Variants in ARHGAP35 observed in about 807,000 individuals in gnomAD.
ARHGAP35 encodes Rho GTPase activating protein 35.
In ARHGAP35, 15 loss-of-function variants were observed where a neutral mutation model predicts 111.1. The observed-to-expected ratio is 0.13, with a 90% CI of 0.09 to 0.21. ARHGAP35 has a LOEUF of 0.21. ARHGAP35 is among the 10% of genes least tolerant of loss of function. The pLI is 1.00. For synonymous variants in ARHGAP35, 643 were observed against 710.3 expected (o/e 0.91, Z 1.51); for missense variants, 1,262 against 1,873.0 (o/e 0.67, Z 6.02).
chr19:46,898,298 A>G (rs574701860), intron 1 of ARHGAP35, among the ~76,000 whole-genome samples: 1 of 152,216 alleles, frequency 6.6e-6, no homozygotes, highest in Non-Finnish European at 1.5e-5. Flanking sequence ...GAGGAAACAT[A>G]AAGGAAGGAT....
intron 1 of ARHGAP35, among the ~76,000 whole-genome samples, chr19:46,877,909 T>C (rs1599794852): frequency 2.0e-5 from 3 of 152,200 alleles, no homozygotes; most frequent in African/African-American, 7.2e-5. Flanking sequence ...GGTTTCATCA[T>C]GTTGGCCAAG....
intron 1 of ARHGAP35, among the ~76,000 whole-genome samples, chr19:46,888,293 T>A (rs1228381115): frequency 1.6e-5 from 1 of 62,720 alleles, no homozygotes; most frequent in African/African-American, 7.7e-5. Context: ...TATATATATA[T>A]ATATATATAT....
chr19:46,919,024 A>G lies in ARHGAP35; in HGVS notation c.349A>G (p.Ile117Val), dbSNP rs759276992. The change falls in exon 2 of 7, where the codon ATC (isoleucine) becomes GTC (valine). Residue 117 changes from isoleucine to valine, a missense_variant. Transcript: ENST00000672722. This position sits in a 1 kb window ranked among gnomAD's most constrained non-coding sequence, Gnocchi z 6.2. ...PHRSTALQPY[I>V]KRAAATKLAS... ...TCGAAGCACGGCCCTGCAGCCCTAT[A>G]TCAAGAGAGCTGCTGCGACCAAGCT... The G allele has an allele frequency of 2.4e-5, 39 of 1,613,814 alleles. No individual in the cohort carries two copies. Among genetic ancestry groups the G allele is most frequent in the Non-Finnish European group, 3.3e-5 (39 of 1,179,858 alleles).
intron 3 of ARHGAP35, among the ~76,000 whole-genome samples, chr19:46,968,138 C>T (rs2056525670): frequency 6.6e-6 from 1 of 152,168 alleles, no homozygotes; most frequent in Non-Finnish European, 1.5e-5. Flanking sequence ...AGAGACCTCT[C>T]CCCTCAAAAG....
At chr19:46,968,022 A>C (rs1010424864) in intron 3 of ARHGAP35, among the ~76,000 whole-genome samples, 4 of 152,144 alleles carry the variant, frequency 2.6e-5, no homozygotes, top group Non-Finnish European at 4.4e-5. Context: ...ATGGATCCTA[A>C]GTTCCTTGAG....
At chr19:46,910,584 A>C (rs1568465046) in intron 1 of ARHGAP35, among the ~76,000 whole-genome samples, 1 of 145,758 alleles carries the variant, frequency 6.9e-6, no homozygotes, top group Admixed American at 6.9e-5. Context: ...GAGCCACCAC[A>C]CCTGGCCAAT....
chr19:46,894,519 C>T, intron 1 of ARHGAP35, among the ~76,000 whole-genome samples: 1 of 146,980 alleles, frequency 6.8e-6, no homozygotes, highest in East Asian at 2.1e-4. Flanking sequence ...GATCTCTGCT[C>T]ACTGTAACCT....
intron 3 of ARHGAP35, among the ~76,000 whole-genome samples, chr19:46,963,467 C>G (rs1322605527): frequency 6.6e-6 from 1 of 152,180 alleles, no homozygotes; most frequent in Non-Finnish European, 1.5e-5. Context: ...GCCTTCACTC[C>G]TCCACACTGG....
chr19:46,919,807 A>G lies in ARHGAP35; in HGVS notation c.1132A>G (p.Lys378Glu), dbSNP rs745829138. The G allele has an allele frequency of 1.2e-6, 2 of 1,614,064 alleles. No homozygotes were observed. Among genetic ancestry groups the G allele is most frequent in the Non-Finnish European group, 1.7e-6 (2 of 1,179,902 alleles). ...KLLETKPEFL[K>E]WFVVLEETPW... Reference sequence around the variant, plus strand: ...CTTAGAAACCAAGCCAGAATTCTTGAAGTGGTTTGTTGTGCTTGAAGAGAC... The same window carrying G: ...CTTAGAAACCAAGCCAGAATTCTTGGAGTGGTTTGTTGTGCTTGAAGAGAC... Residue 378 changes from lysine to glutamate, a missense_variant, in exon 2 of 7, where the codon AAG becomes GAG. Lys to Glu is a moderately conservative substitution (Grantham distance 56). Transcript: ENST00000672722. This position sits in a 1 kb window ranked among gnomAD's most constrained non-coding sequence, Gnocchi z 6.2.
intron 1 of ARHGAP35, among the ~76,000 whole-genome samples, chr19:46,888,200 C>T (rs1282308035): frequency 2.1e-5 from 3 of 141,604 alleles, no homozygotes; most frequent in African/African-American, 5.2e-5. Flanking sequence ...GATCCGCCCA[C>T]CTCGGCCTCC....
chr19:46,976,985 A>G (rs1311161180), intron 3 of ARHGAP35, among the ~76,000 whole-genome samples: 1 of 152,000 alleles, frequency 6.6e-6, no homozygotes, highest in Non-Finnish European at 1.5e-5. Flanking sequence ...TTTCCTGTTC[A>G]TTTCACCAAA....
At chr19:46,895,047 A>C (rs2056046178) in intron 1 of ARHGAP35, among the ~76,000 whole-genome samples, 1 of 152,164 alleles carries the variant, frequency 6.6e-6, no homozygotes, top group South Asian at 2.1e-4. Context: ...GTATTTCCAG[A>C]ATAGTGAGCT....
intron 1 of ARHGAP35, among the ~76,000 whole-genome samples, chr19:46,875,679 A>G (rs1034363455): frequency 6.6e-6 from 1 of 152,158 alleles, no homozygotes; most frequent in Non-Finnish European, 1.5e-5. Context: ...TAAATACCAT[A>G]ACGCTAAAGT....
rs1304653628 is a variant in ARHGAP35 at position 46,901,834 on chromosome 19, TC to T, written c.-188-16652del. On this transcript the variant is annotated intron_variant, in intron 1 of 6. Transcript: ENST00000672722. This position sits in a 1 kb window ranked among gnomAD's most constrained non-coding sequence, Gnocchi z 4.5. ...CTTGAAGAACATCATTGTCCAGTGA[TC>T]CTGCTGACAGATGAGAGCTGTCAAG... Among the ~76,000 whole-genome samples the T allele has an allele frequency of 1.3e-5, 2 of 152,288 alleles. No homozygotes were observed. The highest frequency in any genetic ancestry group is 3.9e-4 in the East Asian group (2 of 5,178).
At chr19:46,943,637 C>G (rs2056362326) in intron 3 of ARHGAP35, among the ~76,000 whole-genome samples, 1 of 152,150 alleles carries the variant, frequency 6.6e-6, no homozygotes, top group Admixed American at 6.5e-5. Flanking sequence ...ATGACATTCC[C>G]AATGAAACTT....
At chr19:46,998,700 T>A (rs1568491793) in intron 5 of ARHGAP35, among the ~76,000 whole-genome samples, 1 of 152,218 alleles carries the variant, frequency 6.6e-6, no homozygotes, top group Non-Finnish European at 1.5e-5. Context: ...CCCCAGGACA[T>A]TAGGATTCCA....
intron 1 of ARHGAP35, among the ~76,000 whole-genome samples, chr19:46,905,389 T>G (rs2056101520): frequency 7.1e-6 from 1 of 141,478 alleles, no homozygotes; most frequent in African/African-American, 2.6e-5. Flanking sequence ...TTTTTTTTTT[T>G]TTAATAGATG....
intron 1 of ARHGAP35, among the ~76,000 whole-genome samples, chr19:46,876,646 C>T (rs2055923840): frequency 6.6e-6 from 1 of 151,782 alleles, no homozygotes; most frequent in Non-Finnish European, 1.5e-5. Context: ...GCTGGGATTA[C>T]AGGCGTGAGC....
rs894546654 is a variant in ARHGAP35 at position 47,000,032 on chromosome 19, G to A, written c.4143-299G>A. On this transcript the variant is annotated intron_variant, in intron 6 of 6. Coordinates refer to ENST00000672722, the MANE Select transcript of ARHGAP35 (RefSeq NM_004491.5). This position sits in a 1 kb window ranked among gnomAD's most constrained non-coding sequence, Gnocchi z 6.9. ...CCTCCCTCGTCACAGCCGGAGCACC[G>A]CCACTGCTTTGGCTGGCTGCAGAGT... Among the ~76,000 whole-genome samples, 16 of 152,152 alleles carry A rather than the reference G, an allele frequency of 1.1e-4. No homozygotes were observed. In the South Asian group the frequency reaches 1.9e-3, roughly 18 times the overall value.
Sources: gnomAD v4.1 joint callset for allele counts (sites outside exome capture counted in the v4.1 genomes callset) on GRCh38, gnomAD v4.1.1 for gene constraint, Gnocchi (gnomAD v3.1) non-coding constraint, MANE v1.5 for transcripts, NCBI Gene and HGNC (gene_info 2026-07-23, HGNC 2026-07-21) for gene names.